The following ADAM7 variants were observed in gnomAD, a reference collection of about 807,000 sequenced individuals.
The protein encoded by ADAM7 is disintegrin and metalloproteinase domain-containing protein 7.
ADAM7 carries 97 observed loss-of-function variants against 102.9 expected under a neutral mutation model. The observed-to-expected ratio is 0.94, with a 90% CI of 0.80 to 1.12. The LOEUF is 1.12. ADAM7 is among the 50% of genes most tolerant of loss of function. The probability of loss-of-function intolerance (pLI) is 0.00; values close to 1 mark genes in which losing one functional copy is unlikely to be tolerated. For synonymous variants in ADAM7, 334 were observed against 304.4 expected, an observed-to-expected ratio of 1.10 and a Z score of -1.01; for missense variants, 991 against 908.7, an observed-to-expected ratio of 1.09 and a Z score of -1.16.
Position 24,485,262 on chromosome 8 carries a change from G to A in ADAM7, c.876-15G>A, listed in dbSNP as rs747879325. On this transcript the variant is annotated splice_polypyrimidine_tract_variant and intron_variant, in intron 9 of 21. Transcript: ENST00000175238. ...CTAACTCAGATTGAAGACTATTTTT[G>A]CATCTTTTTCATAGTGGGAAGTGGC... The A allele has an allele frequency of 6.2e-7, 1 of 1,608,516 alleles. No individual in the cohort carries two copies. The highest frequency in any genetic ancestry group is 1.1e-5 in the South Asian group (1 of 90,346).
intron 20 of ADAM7, among the ~76,000 whole-genome samples, chr8:24,504,530 C>T (rs1820884852): frequency 6.6e-6 from 1 of 151,980 alleles, no homozygotes; most frequent in Non-Finnish European, 1.5e-5. Flanking sequence ...GGATTTAAGT[C>T]ATGAAGAAGG....
At position 24,466,960 on chromosome 8, in the gene ADAM7, A is replaced by C. The variant is rs745503970; in HGVS notation, c.551A>C (p.Asn184Thr). 6.2e-7 allele frequency: 1 copy of C among 1,613,930 alleles called. No homozygotes were observed. The highest frequency in any genetic ancestry group is 1.7e-5 in the Admixed American group (1 of 59,996). Residue 184 changes from asparagine to threonine, a missense_variant, in exon 6 of 22, where the codon AAT (asparagine) becomes ACT (threonine). Asn to Thr is a moderately conservative substitution (Grantham distance 65). Transcript: ENST00000175238. The stretch of plus-strand genomic sequence containing the variant: ...ACCAGAAAAACTGTTCCAGGGGATA[A>C]TGAATCTGAAGAAGACTCCAAAATA... ...NFTRKTVPGD[N>T]ESEEDSKIKG...
At chr8:24,467,034 T>C (rs1288183330) in intron 6 of ADAM7, 46 bp downstream of exon 6, 1 of 1,535,214 alleles carries the variant, frequency 6.5e-7, no homozygotes, top group East Asian at 2.3e-5. Context: ...ACACCTTTTA[T>C]TTTCTTGATG....
At position 24,447,199 on chromosome 8, in the gene ADAM7, A is replaced by G; in HGVS notation, c.170A>G (p.Glu57Gly). The G allele has an allele frequency of 6.5e-7, 1 of 1,546,934 alleles. No homozygotes were observed. Among genetic ancestry groups the G allele is most frequent in the Non-Finnish European group, 8.8e-7 (1 of 1,133,984 alleles). Reference sequence around the variant, plus strand: ...CTTCTTTTTTAGAAAACGTATGAAGAAGAATTGTTGTATGAAATAAAACTA... The same window carrying G: ...CTTCTTTTTTAGAAAACGTATGAAGGAGAATTGTTGTATGAAATAAAACTA... ...HDDDILKTYE[E>G]ELLYEIKLNR... Residue 57 changes from glutamate (E) to glycine (G), a missense_variant, in exon 3 of 22, where the codon GAA becomes GGA. Coordinates refer to ENST00000175238, the MANE Select transcript of ADAM7 (RefSeq NM_003817.4).
chr8:24,445,687 A>AG (rs1818531005), intron 2 of ADAM7, among the ~76,000 whole-genome samples: 1 of 152,212 alleles, frequency 6.6e-6, no homozygotes, highest in Non-Finnish European at 1.5e-5. Flanking sequence ...CATGCTTGCT[A>AG]TGGCATGTTT....
chr8:24,472,833 G>A (rs1819650855), intron 7 of ADAM7, among the ~76,000 whole-genome samples: 1 of 151,694 alleles, frequency 6.6e-6, no homozygotes, highest in African/African-American at 2.4e-5. Flanking sequence ...CTAATTCTTT[G>A]AAAACATTAA....
At position 24,508,588 on chromosome 8, in the gene ADAM7, T is replaced by G; in HGVS notation, c.*42T>G. 1 of 1,613,230 alleles carries G rather than the reference T, an allele frequency of 6.2e-7. No homozygotes were observed. The highest frequency in any genetic ancestry group is 8.5e-7 in the Non-Finnish European group (1 of 1,179,482). On this transcript the variant is annotated 3_prime_UTR_variant, in exon 22 of 22. Coordinates refer to ENST00000175238, the MANE Select transcript of ADAM7 (RefSeq NM_003817.4). ...CCAAAATGGCCGTGCAAGCTTAGGC[T>G]GGGGATTCTGGATGCAACGTCTTTA...
At chr8:24,498,585 G>C (rs973133733) in intron 16 of ADAM7, among the ~76,000 whole-genome samples, 3 of 151,094 alleles carry the variant, frequency 2.0e-5, no homozygotes, top group African/African-American at 4.8e-5. Context: ...AATAAATATA[G>C]ATGTATTAAG....
intron 2 of ADAM7, among the ~76,000 whole-genome samples, chr8:24,446,618 C>T (rs1194453137): frequency 1.3e-5 from 2 of 151,758 alleles, no homozygotes; most frequent in Non-Finnish European, 2.9e-5. Context: ...CCTAAAGACA[C>T]ATACTATAAA....
chr8:24,482,706 G>A (rs1820000585), intron 9 of ADAM7, among the ~76,000 whole-genome samples: 1 of 152,058 alleles, frequency 6.6e-6, no homozygotes, highest in Non-Finnish European at 1.5e-5. Flanking sequence ...CTGTGGTTGT[G>A]CCACTGCACT....
rs1350561620 is a variant in ADAM7, at chr8:24,500,851, A to AT, written c.2066dup (p.Leu689PhefsTer31). On this transcript the variant is annotated frameshift_variant, in exon 19 of 22. Transcript: ENST00000175238. LOFTEE classifies it high-confidence loss of function. ...TTGTCGGTATCGGAGTTCTTATACTATTAGTTCGTTACCGAAAATGTATCA... is the reference window on the plus strand; with the variant it reads ...TTGTCGGTATCGGAGTTCTTATACTATTTAGTTCGTTACCGAAAATGTATCA... The AT allele has an allele frequency of 7.4e-6, 12 of 1,613,270 alleles. No individual in the cohort carries two copies. The highest frequency in any genetic ancestry group is 1.0e-5 in the Non-Finnish European group (12 of 1,179,488).
At position 24,482,209 on chromosome 8, in the gene ADAM7, T is replaced by A; in HGVS notation, c.773T>A (p.Ile258Lys). Residue 258 changes from isoleucine (I) to lysine (K), a missense_variant, in exon 9 of 22, where the codon ATA becomes AAA. Ile to Lys is a moderately radical substitution (Grantham distance 102). Transcript: ENST00000175238. Reference protein sequence around the residue: ...GIEIWTHEDKIELYSNIETTL... With the variant: ...GIEIWTHEDKKELYSNIETTL... ...GAAATATGGACACATGAAGATAAAA[T>A]AGAACTATATTCAAATATAGAAACT... 6.2e-7 allele frequency: 1 copy of A among 1,608,514 alleles called. No homozygotes were observed. The highest frequency in any genetic ancestry group is 8.5e-7 in the Non-Finnish European group (1 of 1,177,924).
At chr8:24,496,589 C>T (rs1820561911) in intron 16 of ADAM7, among the ~76,000 whole-genome samples, 1 of 152,210 alleles carries the variant, frequency 6.6e-6, no homozygotes, top group Admixed American at 6.5e-5. Flanking sequence ...GGGAACCCAC[C>T]TCTTGCATCA....
intron 12 of ADAM7, among the ~76,000 whole-genome samples, chr8:24,489,642 G>A (rs1473553703): frequency 6.6e-6 from 1 of 152,126 alleles, no homozygotes; most frequent in Non-Finnish European, 1.5e-5. Context: ...GATGTCTCAT[G>A]CAGAGTCAGA....
chr8:24,458,917 T>C (rs1012824408), intron 3 of ADAM7, among the ~76,000 whole-genome samples: 2 of 151,952 alleles, frequency 1.3e-5, no homozygotes, highest in Admixed American at 1.3e-4. Flanking sequence ...TATTTTATAA[T>C]AAATTATTTT....
At chr8:24,505,083 C>A (rs1020723981) in intron 20 of ADAM7, among the ~76,000 whole-genome samples, 25 of 152,246 alleles carry the variant, frequency 1.6e-4, no homozygotes, top group Admixed American at 1.4e-3. Flanking sequence ...ATATACTTAG[C>A]ACAGTGATTG....
At position 24,484,654 on chromosome 8, in the gene ADAM7, A is replaced by G. The variant is rs377524784; in HGVS notation, c.876-623A>G. On this transcript the variant is annotated intron_variant, in intron 9 of 21. Transcript: ENST00000175238. ...TAAACACTTTTACATTTTACATTTC[A>G]TTAATTTCTGGTCTTGTAAGTGGTT... Among the ~76,000 whole-genome samples, 15 of 152,198 alleles carry G rather than the reference A, an allele frequency of 9.9e-5. No homozygotes were observed. In the South Asian group the frequency reaches 1.5e-3, roughly 15 times the overall value.
intron 6 of ADAM7, 77 bp from the exon 7 acceptor site, chr8:24,468,690 G>C (rs73223148): frequency 3.0e-4 from 392 of 1,294,356 alleles, no homozygotes; most frequent in Non-Finnish European, 4.1e-4. Flanking sequence ...GAAAATACTA[G>C]GATTTTTTTT....
At chr8:24,460,268 T>C (rs562756628) in intron 3 of ADAM7, among the ~76,000 whole-genome samples, 1 of 152,220 alleles carries the variant, frequency 6.6e-6, no homozygotes, top group East Asian at 1.9e-4. Context: ...GAAATTAGTT[T>C]GGTCCTGATT....
Sources: allele counts gnomAD v4.1 joint callset (sites outside exome capture counted in the v4.1 genomes callset), GRCh38; gene constraint gnomAD v4.1.1; transcripts MANE v1.5; gene names NCBI Gene and HGNC (gene_info 2026-07-23, HGNC 2026-07-21).